DLGAP2: variants seen among roughly 807,000 people sequenced by gnomAD.
DLGAP2 encodes the protein DLG associated protein 2, also known as disks large-associated protein 2.
In DLGAP2, 26 loss-of-function variants were observed where a neutral mutation model predicts 100.3. The ratio of observed to expected loss-of-function variants is 0.26; its 90% CI spans 0.19 to 0.36. The LOEUF (loss-of-function observed/expected upper bound fraction) is 0.36, where lower values mean the gene tolerates loss of function less well. Ranked by LOEUF, DLGAP2 falls within the 10% of genes least tolerant of loss-of-function variation. DLGAP2 has a pLI of 1.00. For synonymous variants in DLGAP2, 886 were observed against 630.1 expected (o/e 1.41, Z -6.08); for missense variants, 1,858 against 1,453.2 (o/e 1.28, Z -4.53).
chr8:1,191,419 C>G (rs1170887611), intron 2 of DLGAP2, among the ~76,000 whole-genome samples: 2 of 152,178 alleles, frequency 1.3e-5, no homozygotes, highest in African/African-American at 4.8e-5. Flanking sequence ...ATCTGCCCGC[C>G]TCAGCCTCCC....
At chr8:1,497,948 A>T (rs1261203933) in intron 3 of DLGAP2, among the ~76,000 whole-genome samples, 3 of 152,250 alleles carry the variant, frequency 2.0e-5, no homozygotes, top group Non-Finnish European at 4.4e-5. Flanking sequence ...GGAGATCCTG[A>T]GAACATGTGT....
intron 2 of DLGAP2, among the ~76,000 whole-genome samples, chr8:1,055,714 C>T (rs1366258044): frequency 2.0e-5 from 3 of 152,220 alleles, no homozygotes; most frequent in Non-Finnish European, 4.4e-5. Flanking sequence ...CATCCCCTGC[C>T]ATAATAGCCC....
At chr8:1,100,602 C>G (rs187627714) in intron 2 of DLGAP2, among the ~76,000 whole-genome samples, 30 of 152,254 alleles carry the variant, frequency 2.0e-4, no homozygotes, top group African/African-American at 7.2e-4. Flanking sequence ...GGGAATTACT[C>G]TATAAGAAAA....
intron 3 of DLGAP2, among the ~76,000 whole-genome samples, chr8:1,471,758 C>G (rs944374221): frequency 5.9e-5 from 9 of 152,214 alleles, no homozygotes; most frequent in African/African-American, 9.7e-5. Context: ...GGAATTCACC[C>G]TTGCTACTCC....
intron 3 of DLGAP2, among the ~76,000 whole-genome samples, chr8:1,347,268 G>A (rs995105290): frequency 1.5e-4 from 22 of 151,310 alleles, no homozygotes; most frequent in African/African-American, 5.1e-4. Flanking sequence ...TTCCCACATA[G>A]AGCTACACTG....
At chr8:1,594,156 T>C (rs968835759) in intron 6 of DLGAP2, among the ~76,000 whole-genome samples, 1 of 152,148 alleles carries the variant, frequency 6.6e-6, no homozygotes, top group Admixed American at 6.5e-5. Context: ...TCTTCTCATG[T>C]ATAAGACAAG....
intron 2 of DLGAP2, among the ~76,000 whole-genome samples, chr8:1,038,840 A>C (rs1377508108): frequency 6.6e-6 from 1 of 152,214 alleles, no homozygotes; most frequent in Non-Finnish European, 1.5e-5. Context: ...TTTCAGTCGG[A>C]AAATCAAGTT....
At chr8:1,342,017 C>G (rs913134765) in intron 3 of DLGAP2, among the ~76,000 whole-genome samples, 11 of 152,078 alleles carry the variant, frequency 7.2e-5, no homozygotes, top group African/African-American at 2.4e-4. Flanking sequence ...ATGGTGTGAT[C>G]TCAGGTCACT....
chr8:1,235,028 CTCTCTCACATGGCGCCATGTCTAGT>C (rs2116842053), intron 2 of DLGAP2, among the ~76,000 whole-genome samples: 1 of 151,656 alleles, frequency 6.6e-6, no homozygotes, highest in African/African-American at 2.4e-5. Flanking sequence ...GTGTCTAATT[CTCTCTCACATGGCGCCATGTCTAGT>C]TCTCTCACAT....
chr8:1,305,363 G>A (rs931265025), intron 3 of DLGAP2, among the ~76,000 whole-genome samples: 5 of 152,154 alleles, frequency 3.3e-5, no homozygotes, highest in Non-Finnish European at 7.4e-5. Context: ...GCATTATTTT[G>A]TTTGGTTTAG....
chr8:870,936 C>G (rs781390498), intron 1 of DLGAP2, among the ~76,000 whole-genome samples: 7 of 152,194 alleles, frequency 4.6e-5, no homozygotes, highest in African/African-American at 7.2e-5. Flanking sequence ...GGTCATTCCC[C>G]TAATTCCAAA....
At chr8:1,593,562 C>T (rs961263720) in intron 6 of DLGAP2, among the ~76,000 whole-genome samples, 3 of 152,162 alleles carry the variant, frequency 2.0e-5, no homozygotes, top group Non-Finnish European at 2.9e-5. Context: ...CAAAGATGCT[C>T]GGGAGATTCT....
chr8:740,013 CTG>C (rs1820442989), intron 1 of DLGAP2: 1 of 152,216 alleles, frequency 6.6e-6, no homozygotes, highest in African/African-American at 2.4e-5. Context: ...CATCCTGCCT[CTG>C]TGCGCCATTC....
chr8:868,875 C>T (rs1044431400), intron 1 of DLGAP2, among the ~76,000 whole-genome samples: 4 of 152,184 alleles, frequency 2.6e-5, no homozygotes, highest in African/African-American at 4.8e-5. Flanking sequence ...AAGTGGGGGC[C>T]GCGCAGGTTC....
intron 2 of DLGAP2, among the ~76,000 whole-genome samples, chr8:947,027 C>A (rs575615220): frequency 6.6e-6 from 1 of 152,332 alleles, no homozygotes; most frequent in East Asian, 1.9e-4. Context: ...GCACCTGCGG[C>A]TGGAACGGCT....
At chr8:1,575,353 C>G (rs1167669049) in intron 6 of DLGAP2, among the ~76,000 whole-genome samples, 1 of 151,964 alleles carries the variant, frequency 6.6e-6, no homozygotes, top group Non-Finnish European at 1.5e-5. Flanking sequence ...CAATGGAACT[C>G]ACAGGTGCAG....
intron 3 of DLGAP2, among the ~76,000 whole-genome samples, chr8:1,464,024 G>GA (rs1213727786): frequency 6.6e-6 from 1 of 152,150 alleles, no homozygotes; most frequent in Non-Finnish European, 1.5e-5. Context: ...AGTATCATGG[G>GA]AAAAAAAGGG....
intron 12 of DLGAP2, among the ~76,000 whole-genome samples, chr8:1,684,576 G>A (rs1237109404): frequency 1.3e-5 from 2 of 152,032 alleles, no homozygotes; most frequent in African/African-American, 2.4e-5. Flanking sequence ...CGAACTGATT[G>A]AATGAATCTA....
intron 5 of DLGAP2, 105 bp downstream of exon 5, chr8:1,549,788 G>A: frequency 8.1e-7 from 1 of 1,227,906 alleles, no homozygotes; most frequent in South Asian, 1.5e-5. Flanking sequence ...CATTTAGGTT[G>A]TGCAACAGGA....
Sources: gnomAD v4.1 joint callset for allele counts (sites outside exome capture counted in the v4.1 genomes callset) on GRCh38, gnomAD v4.1.1 for gene constraint, MANE v1.5 for transcripts, NCBI Gene and HGNC (gene_info 2026-07-23, HGNC 2026-07-21) for gene names.